The following CDH23 variants were observed in gnomAD, a reference collection of about 807,000 sequenced individuals.
CDH23 encodes cadherin related 23.
Under a neutral mutation model 317.1 loss-of-function variants are expected in CDH23, and 189 were observed. The ratio of observed to expected loss-of-function variants is 0.60; its 90% CI spans 0.53 to 0.67. The LOEUF is 0.67. Ranked by LOEUF, CDH23 falls within the 30% of genes least tolerant of loss-of-function variation. The pLI is 0.00. For missense variants in CDH23, 4,401 were observed against 4,592.4 expected (o/e 0.96, Z 1.20); for synonymous variants, 1,839 against 1,876.8 (o/e 0.98, Z 0.52).
rs1348272470 is a variant in CDH23 at position 71,570,778 on chromosome 10, C to T, written c.625-12C>T. 9 of 1,599,716 alleles carry T rather than the reference C, an allele frequency of 5.6e-6. No homozygotes were observed. The highest frequency in any genetic ancestry group is 7.7e-6 in the Non-Finnish European group (9 of 1,173,102). ...CTCAACCTAAGGCTGTGTGTTCTCT[C>T]CGCTCTCTAAGGATCAAGACAAGAC... is the stretch of plus-strand genomic sequence containing the variant. On this transcript the variant is annotated splice_polypyrimidine_tract_variant and intron_variant, in intron 7 of 69. Coordinates refer to ENST00000224721, the MANE Select transcript of CDH23 (RefSeq NM_022124.6).
At chr10:71,435,830 T>C (rs1849591566) in intron 1 of CDH23, among the ~76,000 whole-genome samples, 1 of 152,220 alleles carries the variant, frequency 6.6e-6, no homozygotes, top group East Asian at 1.9e-4. Flanking sequence ...TGGGGACCCA[T>C]GCTGCTCACC....
intron 48 of CDH23, among the ~76,000 whole-genome samples, chr10:71,794,971 C>T (rs559651582): frequency 1.7e-3 from 259 of 152,050 alleles, no homozygotes; most frequent in Middle Eastern, 3.4e-3. Context: ...GCAGTGCCAG[C>T]GGTGAGAAGC....
intron 38 of CDH23, chr10:71,748,034 C>A (rs1839895256): frequency 6.6e-6 from 1 of 152,328 alleles, no homozygotes; most frequent in Admixed American, 6.5e-5. Flanking sequence ...TGGTTAGCAA[C>A]CCCAGTTCCT....
chr10:71,421,724 A>G (rs965652933), intron 1 of CDH23, among the ~76,000 whole-genome samples: 29 of 152,222 alleles, frequency 1.9e-4, no homozygotes, highest in African/African-American at 7.0e-4. Context: ...AAAAAGATAT[A>G]CTTGTCCTTA....
At chr10:71,800,878 C>T in intron 53 of CDH23, 123 bp downstream of exon 53, 3 of 1,358,454 alleles carry the variant, frequency 2.2e-6, no homozygotes, top group Non-Finnish European at 3.0e-6. Context: ...CTTTGAGACA[C>T]AGTGACAGAA....
intron 45 of CDH23, among the ~76,000 whole-genome samples, chr10:71,789,930 CAT>C (rs1278624665): frequency 3.3e-5 from 5 of 151,436 alleles, no homozygotes; most frequent in Admixed American, 2.0e-4. Context: ...TGTGTGAACA[CAT>C]GTGTTGACAG....
intron 6 of CDH23, among the ~76,000 whole-genome samples, chr10:71,541,870 A>T (rs1856007873): frequency 1.3e-5 from 2 of 152,198 alleles, no homozygotes; most frequent in Admixed American, 1.3e-4. Flanking sequence ...ATTTTATATA[A>T]CTTTTACACA....
intron 6 of CDH23, among the ~76,000 whole-genome samples, chr10:71,518,684 T>G (rs1222998308): frequency 6.6e-6 from 1 of 152,222 alleles, no homozygotes. Flanking sequence ...CCCCTTCCCC[T>G]GCCCACACAC....
At chr10:71,508,824 A>G (rs1251371546) in intron 3 of CDH23, among the ~76,000 whole-genome samples, 1 of 151,196 alleles carries the variant, frequency 6.6e-6, no homozygotes, top group African/African-American at 2.5e-5. Flanking sequence ...CTGTACACTT[A>G]TCACATTTTG....
intron 3 of CDH23, among the ~76,000 whole-genome samples, chr10:71,471,204 C>A (rs1278441593): frequency 6.6e-6 from 1 of 152,250 alleles, no homozygotes; most frequent in Non-Finnish European, 1.5e-5. Context: ...TACTGCACTG[C>A]CATCTGCGCG....
intron 6 of CDH23, among the ~76,000 whole-genome samples, chr10:71,550,580 A>G (rs1489423143): frequency 4.5e-4 from 20 of 43,966 alleles, no homozygotes; most frequent in Middle Eastern, 0.01. Context: ...AAAAAAAAGA[A>G]AAAAGAAAAA....
At chr10:71,525,097 T>A (rs1854955785) in intron 6 of CDH23, among the ~76,000 whole-genome samples, 1 of 146,558 alleles carries the variant, frequency 6.8e-6, no homozygotes, top group Non-Finnish European at 1.5e-5. Flanking sequence ...TAGTAGAGAC[T>A]GGGTTTCACC....
intron 38 of CDH23, among the ~76,000 whole-genome samples, chr10:71,767,356 G>A (rs144209244): frequency 6.6e-6 from 1 of 152,344 alleles, no homozygotes; most frequent in East Asian, 1.9e-4. Context: ...ACCCAAGCTT[G>A]GTTAGTCGGG....
chr10:71,689,839 A>G (rs1227084), intron 19 of CDH23, among the ~76,000 whole-genome samples: 137,091 of 152,252 alleles, frequency 0.9, 61,893 homozygotes, highest in East Asian at 0.93. Context: ...GGACCTCCTC[A>G]CCACTGGGCC....
chr10:71,690,527 G>A lies in CDH23; in HGVS notation c.2119G>A (p.Glu707Lys). The A allele has an allele frequency of 1.9e-6, 3 of 1,611,636 alleles. No individual in the cohort carries two copies. The highest frequency in any genetic ancestry group is 2.5e-6 in the Non-Finnish European group (3 of 1,179,010). Residue 707 changes from glutamate to lysine, a missense_variant, in exon 20 of 70, where the codon GAG (glutamate) becomes AAG (lysine). Physicochemically the swap from Glu to Lys is moderately conservative, Grantham distance 56. Transcript: ENST00000224721. ...GGACCGCTCCCGGGAGTACGGCCAG[G>A]AGTCCATCATCTACTCCTTGGAAGG... ...DLDRSREYGQ[E>K]SIIYSLEGST...
chr10:71,427,962 C>T (rs113877857), intron 1 of CDH23, among the ~76,000 whole-genome samples: 2,467 of 151,892 alleles, frequency 0.016, 79 homozygotes, highest in African/African-American at 0.056. Flanking sequence ...ATCCTCCTGC[C>T]TTGGCCTCCC....
intron 14 of CDH23, among the ~76,000 whole-genome samples, chr10:71,652,980 C>T (rs1868007): frequency 0.26 from 39,440 of 152,102 alleles, 5,351 homozygotes; most frequent in East Asian, 0.33. Context: ...GCAACATGAA[C>T]GTGCCACCCA....
At position 71,402,019 on chromosome 10, in the gene CDH23, C is replaced by T. The variant is rs118091918; in HGVS notation, c.-6+4701C>T. Among the ~76,000 whole-genome samples, 938 of 152,306 alleles carry T rather than the reference C, an allele frequency of 6.2e-3. 4 individuals carry two copies. Among genetic ancestry groups the T allele is most frequent in the Middle Eastern group, 0.01 (3 of 294 alleles). On this transcript the variant is annotated intron_variant, in intron 1 of 69. Transcript: ENST00000224721. ...AGCCAGAAAACTGGCATATTTAAAA[C>T]GTAGCCACATGGAGACAGTTTTCTA...
intron 3 of CDH23, among the ~76,000 whole-genome samples, chr10:71,484,988 G>A (rs938087495): frequency 1.3e-5 from 2 of 151,886 alleles, no homozygotes; most frequent in African/African-American, 4.8e-5. Flanking sequence ...CCACAAATAG[G>A]GGTGTGTGTT....
Sources: gnomAD v4.1 joint callset for allele counts (sites outside exome capture counted in the v4.1 genomes callset) on GRCh38, gnomAD v4.1.1 for gene constraint, MANE v1.5 for transcripts, NCBI Gene and HGNC (gene_info 2026-07-23, HGNC 2026-07-21) for gene names.